The following PDE4D variants were observed in gnomAD, a reference collection of about 807,000 sequenced individuals.
PDE4D encodes 3',5'-cyclic-AMP phosphodiesterase 4D.
In PDE4D, 24 loss-of-function variants were observed where a neutral mutation model predicts 87.4. The observed-to-expected ratio is 0.27, with a 90% CI of 0.20 to 0.39. The LOEUF (loss-of-function observed/expected upper bound fraction) is 0.39, where lower values mean the gene tolerates loss of function less well. PDE4D is among the 10% of genes least tolerant of loss of function. The pLI is 1.00. For missense variants in PDE4D, 714 were observed against 1,041.0 expected (o/e 0.69, Z 4.32); for synonymous variants, 384 against 383.2 (o/e 1.00, Z -0.02).
intron 2 of PDE4D, among the ~76,000 whole-genome samples, chr5:60,074,270 A>G (rs940762141): frequency 2.0e-5 from 3 of 152,100 alleles, no homozygotes; most frequent in Non-Finnish European, 4.4e-5. Flanking sequence ...TTCTGCTTTA[A>G]TTTCATTATT....
intron 3 of PDE4D, among the ~76,000 whole-genome samples, chr5:59,985,140 TTTTTG>T: frequency 8.5e-6 from 1 of 117,576 alleles, no homozygotes; most frequent in African/African-American, 2.6e-5. Context: ...TGTTTTTTGT[TTTTTG>T]TTTTTTATTT....
At chr5:59,173,030 T>C (rs543497108) in intron 5 of PDE4D, among the ~76,000 whole-genome samples, 1 of 152,272 alleles carries the variant, frequency 6.6e-6, no homozygotes, top group South Asian at 2.1e-4. Flanking sequence ...AGAATTTAAG[T>C]ACATTGACCA....
At chr5:59,614,462 TATGAG>T (rs1829403477) in intron 1 of PDE4D, among the ~76,000 whole-genome samples, 1 of 152,200 alleles carries the variant, frequency 6.6e-6, no homozygotes, top group African/African-American at 2.4e-5. Context: ...AATAGAGCTA[TATGAG>T]ATATGTGCAG....
chr5:60,325,691 C>T (rs1756720241), intron 1 of PDE4D, among the ~76,000 whole-genome samples: 1 of 151,988 alleles, frequency 6.6e-6, no homozygotes, highest in African/African-American at 2.4e-5. Flanking sequence ...ACCCAGTTTT[C>T]CCCCATGGTA....
At chr5:59,768,734 C>A in intron 1 of PDE4D, 2 of 1,078,040 alleles carry the variant, frequency 1.9e-6, no homozygotes, top group South Asian at 1.8e-5. Context: ...AAGCCCCTGC[C>A]AAAGATCACT....
At chr5:60,011,258 G>A (rs1764995105) in intron 2 of PDE4D, among the ~76,000 whole-genome samples, 1 of 152,024 alleles carries the variant, frequency 6.6e-6, no homozygotes, top group South Asian at 2.1e-4. Context: ...CTCCAGAAAG[G>A]GCATGTTCTG....
Position 60,045,678 on chromosome 5 carries a change from T to C in PDE4D, c.43-56961A>G, listed in dbSNP as rs147931430. Among the ~76,000 whole-genome samples the C allele has an allele frequency of 6.6e-3, 1,006 of 152,336 alleles. 15 individuals are homozygous for C. Among genetic ancestry groups the C allele is most frequent in the African/African-American group, 0.023 (971 of 41,582 alleles). ...GACAAAGATCAGATAGTTGTAGATA[T>C]GCAGCATTATTTCTGAGGGCTCTGT... On this transcript the variant is annotated intron_variant, in intron 2 of 16. Transcript: ENST00000502484.
chr5:60,163,415 G>T (rs999554390), intron 2 of PDE4D, among the ~76,000 whole-genome samples: 3 of 152,002 alleles, frequency 2.0e-5, no homozygotes, highest in Non-Finnish European at 2.9e-5. Context: ...TGAGCAACTT[G>T]GTTTCCAGAG....
At position 60,504,099 on chromosome 5, in the gene PDE4D, T is replaced by C. The variant is rs559580513; in HGVS notation, n.70+17952A>G. 3.9e-5 allele frequency among the ~76,000 whole-genome samples: 6 copies of C among 152,276 alleles called. No homozygotes were observed. The South Asian group carries it at 1.2e-3, about 32-fold the overall frequency. On this transcript the variant is annotated intron_variant and non_coding_transcript_variant, in intron 1 of 2. Coordinates refer to the PDE4D transcript ENST00000506510. Reference sequence around the variant, plus strand: ...AAGAAAGATGATAAGTCAAAGGGAATAAGGGCTTCCTATCCGACCCATCAA... The same window carrying C: ...AAGAAAGATGATAAGTCAAAGGGAACAAGGGCTTCCTATCCGACCCATCAA...
chr5:58,994,096 A>G (rs986003529), intron 6 of PDE4D, among the ~76,000 whole-genome samples: 1 of 152,206 alleles, frequency 6.6e-6, no homozygotes, highest in African/African-American at 2.4e-5. Context: ...TAAATACTGT[A>G]TAATGTTTCC....
intron 2 of PDE4D, among the ~76,000 whole-genome samples, chr5:60,144,574 T>G (rs1462006024): frequency 6.6e-6 from 1 of 152,220 alleles, no homozygotes; most frequent in African/African-American, 2.4e-5. Flanking sequence ...GGCTCTGGTC[T>G]TCATTCATTT....
intron 1 of PDE4D, among the ~76,000 whole-genome samples, chr5:59,696,257 G>A (rs951393817): frequency 6.6e-6 from 1 of 152,060 alleles, no homozygotes; most frequent in Admixed American, 6.6e-5. Context: ...TTCAACTCAG[G>A]CCATTTTTCC....
chr5:59,101,709 CT>C (rs34308828), intron 5 of PDE4D, among the ~76,000 whole-genome samples: 9,835 of 144,866 alleles, frequency 0.068, 564 homozygotes, highest in African/African-American at 0.16. Flanking sequence ...TAATAATCAA[CT>C]TTTTTTTTTT....
chr5:59,918,237 G>A lies in PDE4D; in HGVS notation c.272+70251C>T, dbSNP rs555464567. On this transcript the variant is annotated intron_variant, in intron 3 of 16. Transcript: ENST00000502484. ...CACTTGGACTCTGCTTTAAAAAAGT[G>A]TATGTGTATATGTGTGTGTATTTTT... Among the ~76,000 whole-genome samples the A allele has an allele frequency of 2.2e-4, 34 of 152,118 alleles. No individual in the cohort carries two copies. In the South Asian group the frequency reaches 3.7e-3, roughly 17 times the overall value.
intron 1 of PDE4D, among the ~76,000 whole-genome samples, chr5:59,716,692 A>G (rs72751230): frequency 0.012 from 1,815 of 152,288 alleles, 17 homozygotes; most frequent in Non-Finnish European, 0.021. Flanking sequence ...ACAAATATCC[A>G]TTGAGTTCAC....
chr5:59,708,758 G>A (rs1204127294), intron 1 of PDE4D, among the ~76,000 whole-genome samples: 1 of 152,128 alleles, frequency 6.6e-6, no homozygotes, highest in Non-Finnish European at 1.5e-5. Context: ...AATTCATGAT[G>A]ATTAATTTGA....
intron 1 of PDE4D, among the ~76,000 whole-genome samples, chr5:59,326,173 C>T (rs560226152): frequency 2.6e-5 from 4 of 151,766 alleles, no homozygotes; most frequent in Non-Finnish European, 4.4e-5. Context: ...TGCTAGATGA[C>T]GAGTTAATGG....
intron 3 of PDE4D, among the ~76,000 whole-genome samples, chr5:59,951,291 AT>A (rs1034170335): frequency 2.0e-5 from 3 of 152,092 alleles, no homozygotes; most frequent in Admixed American, 2.0e-4. Context: ...AAGGGATTGA[AT>A]TTTTTTCCCC....
chr5:59,725,229 C>T (rs1223605129), intron 1 of PDE4D, among the ~76,000 whole-genome samples: 2 of 152,064 alleles, frequency 1.3e-5, no homozygotes, highest in Admixed American at 1.3e-4. Flanking sequence ...CCTCCGTGCT[C>T]ATGCCAGGAC....
Sources: gnomAD v4.1 joint callset for allele counts (sites outside exome capture counted in the v4.1 genomes callset) on GRCh38, gnomAD v4.1.1 for gene constraint, MANE v1.5 for transcripts, NCBI Gene and HGNC (gene_info 2026-07-23, HGNC 2026-07-21) for gene names.